MAD1L1: variants seen among roughly 807,000 people sequenced by gnomAD.
The protein encoded by MAD1L1 is mitotic spindle assembly checkpoint protein MAD1.
In MAD1L1, 95 loss-of-function variants were observed where a neutral mutation model predicts 96.9. The observed-to-expected ratio is 0.98, with a 90% CI of 0.83 to 1.16. The LOEUF is 1.16. Among genes scored for constraint, MAD1L1 ranks in the 50% most tolerant of loss-of-function variants. The pLI, the probability that MAD1L1 is intolerant of heterozygous loss-of-function variation, is 0.00. For missense variants in MAD1L1, 1,007 were observed against 954.4 expected (o/e 1.06, Z -0.73); for synonymous variants, 473 against 396.6 (o/e 1.19, Z -2.29).
intron 16 of MAD1L1, among the ~76,000 whole-genome samples, chr7:1,956,419 G>A (rs1374156196): frequency 6.6e-6 from 1 of 152,322 alleles, no homozygotes; most frequent in South Asian, 2.1e-4. Context: ...GGGAGGAACA[G>A]CTCCTGAATC....
At chr7:2,105,699 T>C (rs1562692367) in intron 11 of MAD1L1, among the ~76,000 whole-genome samples, 1 of 151,952 alleles carries the variant, frequency 6.6e-6, no homozygotes, top group African/African-American at 2.4e-5. Flanking sequence ...CCTCGGCCTG[T>C]CTCCTCACCC....
At chr7:1,823,852 G>A (rs1486227130) in intron 18 of MAD1L1, among the ~76,000 whole-genome samples, 15 of 152,126 alleles carry the variant, frequency 9.9e-5, no homozygotes, top group East Asian at 5.8e-4. Flanking sequence ...CAAGCGCCAC[G>A]CACCTAACTG....
chr7:2,205,157 T>C (rs998839825), intron 10 of MAD1L1, among the ~76,000 whole-genome samples: 2 of 149,042 alleles, frequency 1.3e-5, no homozygotes, highest in Admixed American at 6.8e-5. Context: ...ATGTAGTTTA[T>C]AGTTAAACTT....
At chr7:2,174,231 T>G (rs928810760) in intron 10 of MAD1L1, among the ~76,000 whole-genome samples, 3 of 152,216 alleles carry the variant, frequency 2.0e-5, no homozygotes. Flanking sequence ...AAAATTATTT[T>G]CCTGCAACTC....
chr7:2,141,702 C>T lies in MAD1L1; in HGVS notation c.1073+7450G>A, dbSNP rs545549978. On this transcript the variant is annotated intron_variant, in intron 11 of 18. Transcript: ENST00000265854. ...ACCCACCCCCGCTGAGGAGGCCCCA[C>T]GAGGAGGTTCTAAGCTGAGCACAGA... Among the ~76,000 whole-genome samples, 696 of 152,284 alleles carry T rather than the reference C, an allele frequency of 4.6e-3. 10 individuals are homozygous for T. The highest frequency in any genetic ancestry group is 0.016 in the African/African-American group (659 of 41,560).
chr7:1,817,489 T>A (rs1411589479), intron 18 of MAD1L1: 1 of 152,214 alleles, frequency 6.6e-6, no homozygotes, highest in Non-Finnish European at 1.5e-5. Context: ...AGCCGAACTC[T>A]GATACACGCT....
intron 11 of MAD1L1, among the ~76,000 whole-genome samples, chr7:2,070,813 C>A (rs578150199): frequency 6.6e-6 from 1 of 152,240 alleles, no homozygotes; most frequent in Non-Finnish European, 1.5e-5. Context: ...TGACCTCCAC[C>A]CTCACGTTCA....
chr7:1,935,323 C>T (rs1457384045), intron 17 of MAD1L1, among the ~76,000 whole-genome samples: 2 of 152,246 alleles, frequency 1.3e-5, no homozygotes, highest in Non-Finnish European at 1.5e-5. Context: ...CGGGAGCAGC[C>T]CTTGTGCAGG....
intron 4 of MAD1L1, 41 bp from the exon 5 acceptor site, chr7:2,222,795 G>A (rs758684861): frequency 8.6e-6 from 13 of 1,514,572 alleles, no homozygotes; most frequent in South Asian, 1.2e-5. Context: ...TGCCGCCCAC[G>A]GGAGGGTCAG....
intron 18 of MAD1L1, among the ~76,000 whole-genome samples, chr7:1,887,805 GCC>G (rs1562491738): frequency 9.2e-6 from 1 of 108,518 alleles, no homozygotes; most frequent in Non-Finnish European, 1.8e-5. Flanking sequence ...GTATGTGGCT[GCC>G]TGTGTGTGTG....
At chr7:1,898,554 A>G (rs915788718) in intron 17 of MAD1L1, among the ~76,000 whole-genome samples, 164 bp from the exon 18 acceptor site, 2 of 152,132 alleles carry the variant, frequency 1.3e-5, no homozygotes, top group Non-Finnish European at 2.9e-5. Context: ...ATCGGCATGC[A>G]TGAGGGAACG....
At chr7:1,929,170 C>T (rs1789280659) in intron 17 of MAD1L1, among the ~76,000 whole-genome samples, 1 of 151,990 alleles carries the variant, frequency 6.6e-6, no homozygotes, top group East Asian at 1.9e-4. Flanking sequence ...CCCGGGCCTC[C>T]CCTCTTTTCT....
intron 11 of MAD1L1, chr7:2,079,636 T>C: frequency 2.1e-6 from 1 of 470,940 alleles, no homozygotes; most frequent in Admixed American, 2.3e-5. Context: ...AAATTGCCCT[T>C]TGCAATTTCA....
At chr7:2,044,913 G>A (rs1005276632) in intron 12 of MAD1L1, among the ~76,000 whole-genome samples, 4 of 152,236 alleles carry the variant, frequency 2.6e-5, no homozygotes, top group South Asian at 2.1e-4. Flanking sequence ...CCCGAGCCCC[G>A]GGCCAGGCCT....
At chr7:1,961,645 C>A (rs1201486081) in intron 15 of MAD1L1, among the ~76,000 whole-genome samples, 1 of 152,214 alleles carries the variant, frequency 6.6e-6, no homozygotes, top group Non-Finnish European at 1.5e-5. Context: ...TTTGGGACAG[C>A]CAAAGATTTC....
intron 7 of MAD1L1, 139 bp from the exon 8 acceptor site, chr7:2,216,426 T>C (rs919410228): frequency 2.4e-6 from 2 of 843,300 alleles, no homozygotes; most frequent in African/African-American, 3.4e-5. Context: ...CAGGACGTTC[T>C]GGGAAAGGAA....
intron 11 of MAD1L1, among the ~76,000 whole-genome samples, chr7:2,118,389 G>A (rs1032764009): frequency 1.3e-5 from 2 of 152,260 alleles, no homozygotes; most frequent in African/African-American, 4.8e-5. Context: ...ACCTCCCCCT[G>A]TGCTGCCATC....
chr7:2,028,011 T>TA (rs1202461268), intron 12 of MAD1L1, among the ~76,000 whole-genome samples: 1 of 152,244 alleles, frequency 6.6e-6, no homozygotes, highest in African/African-American at 2.4e-5. Flanking sequence ...CCAAAGTTAA[T>TA]AATCAAAGTC....
intron 18 of MAD1L1, among the ~76,000 whole-genome samples, chr7:1,832,880 C>T (rs1378163260): frequency 6.6e-6 from 1 of 152,078 alleles, no homozygotes; most frequent in Non-Finnish European, 1.5e-5. Flanking sequence ...GATCCACTTG[C>T]CTCAGCCTCC....
Sources: allele counts gnomAD v4.1 joint callset (sites outside exome capture counted in the v4.1 genomes callset), GRCh38; gene constraint gnomAD v4.1.1; transcripts MANE v1.5; gene names NCBI Gene and HGNC (gene_info 2026-07-23, HGNC 2026-07-21).